The following GTF2H5 variants were observed in gnomAD, a reference collection of about 807,000 sequenced individuals.
GTF2H5 encodes TFB5 ortholog.
Under a neutral mutation model 7.1 loss-of-function variants are expected in GTF2H5, and 5 were observed. The observed-to-expected ratio is 0.71, with a 90% CI of 0.37 to 1.49. The LOEUF (loss-of-function observed/expected upper bound fraction) is 1.49. Ranked by LOEUF, GTF2H5 falls within the 40% of genes most tolerant of loss-of-function variation. GTF2H5 has a pLI of 0.03. For missense variants in GTF2H5, 80 were observed against 83.0 expected (o/e 0.96, Z 0.14); for synonymous variants, 30 against 31.7 (o/e 0.95, Z 0.18).
In GTF2H5 at chr6:158,169,714, A is replaced by G. The variant is rs187983910; in HGVS notation, c.-34-756A>G. On this transcript the variant is annotated intron_variant, in intron 1 of 2. Coordinates refer to ENST00000607778, the MANE Select transcript of GTF2H5 (RefSeq NM_207118.3). ...TATATTATATAATATATTGTATATT[A>G]TATATTATATAATATATTGTATATT... Among the ~76,000 whole-genome samples the G allele has an allele frequency of 9.7e-4, 47 of 48,566 alleles. 3 individuals carry two copies. The highest frequency in any genetic ancestry group is 2.7e-3 in the African/African-American group (17 of 6,238). The allele number at this position is 48,566 out of a possible 152,430, so 31.9% of individuals were successfully genotyped here. A position where few individuals can be genotyped will look rare whatever the true frequency, so the allele number is the denominator to read the frequency against.
intron 2 of GTF2H5, among the ~76,000 whole-genome samples, chr6:158,183,085 G>A (rs1027124966): frequency 6.6e-6 from 1 of 152,138 alleles, no homozygotes; most frequent in Admixed American, 6.5e-5. Context: ...TTTTGGTGAT[G>A]TTGATGCTAC....
intron 2 of GTF2H5, among the ~76,000 whole-genome samples, chr6:158,176,259 C>T (rs73025761): frequency 0.051 from 7,759 of 152,042 alleles, 265 homozygotes; most frequent in Middle Eastern, 0.095. Flanking sequence ...AACGGAGTCT[C>T]ACTGTCACCC....
intron 2 of GTF2H5, among the ~76,000 whole-genome samples, chr6:158,186,623 A>G (rs570423692): frequency 6.6e-6 from 1 of 152,230 alleles, no homozygotes; most frequent in Non-Finnish European, 1.5e-5. Flanking sequence ...GGACATGCCC[A>G]TGACATATCC....
rs1018364645 is a variant in GTF2H5 at position 158,189,962 on chromosome 6, G to A, written c.36-2015G>A. 3.9e-5 allele frequency among the ~76,000 whole-genome samples: 6 copies of A among 152,006 alleles called. No homozygotes were observed. In the South Asian group the frequency reaches 6.2e-4, roughly 16 times the overall value. ...TTCCTGAGTAGCCTTTGTTCACATC[G>A]CTTTCAGGACTCTTTGGGTTTTCTT... On this transcript the variant is annotated intron_variant, in intron 2 of 2. Transcript: ENST00000607778.
rs1562469283 is a variant in GTF2H5 at position 158,169,707 on chromosome 6, GTATATTATATATTATATAA to G, written c.-34-756_-34-738del. 4.1e-4 allele frequency among the ~76,000 whole-genome samples: 18 copies of G among 43,582 alleles called. 1 individual carries two copies. Among genetic ancestry groups the G allele is most frequent in the African/African-American group, 1.2e-3 (12 of 10,114 alleles). 28.6% of individuals were successfully genotyped at this position (43,582 alleles called of 152,430 possible). A position where few individuals can be genotyped will look rare whatever the true frequency, so the allele number is the denominator to read the frequency against. On this transcript the variant is annotated intron_variant, in intron 1 of 2. Coordinates refer to ENST00000607778, the MANE Select transcript of GTF2H5 (RefSeq NM_207118.3). Reference sequence around the variant, plus strand: ...TATAATATATATTATATAATATATTGTATATTATATATTATATAATATATTGTATATTATATATTATATA... The same window carrying G: ...TATAATATATATTATATAATATATTGTATATTGTATATTATATATTATATA...
At chr6:158,185,067 G>A (rs1485081444) in intron 2 of GTF2H5, among the ~76,000 whole-genome samples, 1 of 151,232 alleles carries the variant, frequency 6.6e-6, no homozygotes, top group African/African-American at 2.4e-5. Flanking sequence ...CAATATAGAA[G>A]TGGAATGGCT....
rs1042614750 is a variant in GTF2H5, at chr6:158,192,584, G to A, written c.*427G>A. ...AGGTGGGGACTTAGACATTATGTAC[G>A]TCTCACAAATCCTACCTGCATACCA... On this transcript the variant is annotated 3_prime_UTR_variant, in exon 3 of 3. Coordinates refer to ENST00000607778, the MANE Select transcript of GTF2H5 (RefSeq NM_207118.3). The A allele has an allele frequency of 2.2e-5, 5 of 224,272 alleles. No homozygotes were observed. Among genetic ancestry groups the A allele is most frequent in the Admixed American group, 1.0e-4 (2 of 19,102 alleles). 13.9% of individuals were successfully genotyped at this position (224,272 alleles called of 1,614,324 possible). A position where few individuals can be genotyped will look rare whatever the true frequency, so the allele number is the denominator to read the frequency against.
intron 2 of GTF2H5, among the ~76,000 whole-genome samples, chr6:158,190,010 A>G (rs1776998824): frequency 6.6e-6 from 1 of 150,516 alleles, no homozygotes; most frequent in African/African-American, 2.4e-5. Context: ...GTCACTTCTT[A>G]CTCAGCTTCT....
At position 158,194,339 on chromosome 6, in the gene GTF2H5, G is replaced by C. The variant is rs1174000919; in HGVS notation, c.*2182G>C. ...GTGGCTCACACTTGGAATTCTCTCA[G>C]CTCCGAGGAAGGGGCTTGATTTTCC... On this transcript the variant is annotated 3_prime_UTR_variant, in exon 3 of 3. Coordinates refer to ENST00000607778, the MANE Select transcript of GTF2H5 (RefSeq NM_207118.3). 6.6e-6 allele frequency: 1 copy of C among 152,226 alleles called. No homozygotes were observed. Among genetic ancestry groups the C allele is most frequent in the African/African-American group, 2.4e-5 (1 of 41,446 alleles). The allele number at this position is 152,226 out of a possible 1,614,324, so 9.4% of individuals were successfully genotyped here.
At chr6:158,169,638 C>CATATTGTATATTATATATA (rs1785775252) in intron 1 of GTF2H5, among the ~76,000 whole-genome samples, 1 of 44,492 alleles carries the variant, frequency 2.2e-5, no homozygotes, top group Non-Finnish European at 3.5e-5. Context: ...TTGTATATTA[C>CATATTGTATATTATATATA]ATATATTGTA....
intron 2 of GTF2H5, among the ~76,000 whole-genome samples, chr6:158,177,807 G>A (rs140034469): frequency 1.9e-3 from 283 of 152,256 alleles, no homozygotes; most frequent in African/African-American, 5.9e-3. Flanking sequence ...ACTTATGAGC[G>A]AGAACATGCA....
intron 2 of GTF2H5, among the ~76,000 whole-genome samples, chr6:158,184,587 A>G (rs1776876404): frequency 6.6e-6 from 1 of 152,224 alleles, no homozygotes; most frequent in Non-Finnish European, 1.5e-5. Flanking sequence ...CTAGACACCC[A>G]TATCTCAGAT....
rs1050165708 is a variant in GTF2H5, at chr6:158,187,216, G to A, written c.36-4761G>A. On this transcript the variant is annotated intron_variant, in intron 2 of 2. Coordinates refer to ENST00000607778, the MANE Select transcript of GTF2H5 (RefSeq NM_207118.3). ...TCATCATGTTGGCCAGGCTGGTCTC[G>A]AACTCCTGACCTCAGGTGATCCACC... is the stretch of plus-strand genomic sequence containing the variant. Among the ~76,000 whole-genome samples the A allele has an allele frequency of 5.3e-5, 8 of 151,810 alleles. No homozygotes were observed. The South Asian group carries it at 1.2e-3, about 24-fold the overall frequency.
chr6:158,175,034 G>GCGTATATATA (rs1785913048), intron 2 of GTF2H5, among the ~76,000 whole-genome samples: 10 of 146,208 alleles, frequency 6.8e-5, no homozygotes, highest in African/African-American at 2.6e-4. Flanking sequence ...GTGTGTGTGT[G>GCGTATATATA]TGTGTGTGTG....
chr6:158,180,866 A>G (rs919332372), intron 2 of GTF2H5, among the ~76,000 whole-genome samples: 2 of 122,576 alleles, frequency 1.6e-5, no homozygotes, highest in Non-Finnish European at 3.3e-5. Context: ...TTTTGTCTCT[A>G]TCTCCTTCAG....
rs1785796985 is a variant in GTF2H5, at chr6:158,169,709, ATATT to A, written c.-34-760_-34-757del. ...TAATATATATTATATAATATATTGTATATTATATATTATATAATATATTGTATAT... is the reference window on the plus strand; with the variant it reads ...TAATATATATTATATAATATATTGTAATATATTATATAATATATTGTATAT... On this transcript the variant is annotated intron_variant, in intron 1 of 2. Transcript: ENST00000607778. 2.9e-5 allele frequency among the ~76,000 whole-genome samples: 2 copies of A among 68,356 alleles called. 1 individual carries two copies. The highest frequency in any genetic ancestry group is 5.4e-4 in the East Asian group (2 of 3,674). 44.8% of individuals were successfully genotyped at this position (68,356 alleles called of 152,430 possible).
intron 2 of GTF2H5, among the ~76,000 whole-genome samples, chr6:158,183,284 G>A (rs532528222): frequency 4.6e-5 from 7 of 152,140 alleles, no homozygotes; most frequent in Non-Finnish European, 1.0e-4. Flanking sequence ...GCCTGTATGA[G>A]GTGTCTGTCA....
At chr6:158,182,325 A>G (rs1454940282) in intron 2 of GTF2H5, among the ~76,000 whole-genome samples, 3 of 151,980 alleles carry the variant, frequency 2.0e-5, no homozygotes, top group Non-Finnish European at 2.9e-5. Context: ...CTTCATTTCA[A>G]CCTTGGTGAA....
intron 2 of GTF2H5, among the ~76,000 whole-genome samples, chr6:158,187,802 G>A (rs1004073743): frequency 8.5e-5 from 13 of 152,082 alleles, no homozygotes; most frequent in Middle Eastern, 3.4e-3. Flanking sequence ...TCCTGACCTC[G>A]TGATCCGCCT....
Sources: allele counts gnomAD v4.1 joint callset (sites outside exome capture counted in the v4.1 genomes callset), GRCh38; gene constraint gnomAD v4.1.1; transcripts MANE v1.5; gene names NCBI Gene and HGNC (gene_info 2026-07-23, HGNC 2026-07-21).